Variants in TSPAN7 observed in about 807,000 individuals in gnomAD.
TSPAN7 encodes the protein tetraspanin-7.
Under a neutral mutation model 17.6 loss-of-function variants are expected in TSPAN7, and 1 was observed. That is an observed-to-expected ratio of 0.06 (90% CI 0.02 to 0.27). The LOEUF (loss-of-function observed/expected upper bound fraction) is 0.27. Among genes scored for constraint, TSPAN7 ranks in the 10% least tolerant of loss-of-function variants. The pLI is 1.00. For missense variants in TSPAN7, 112 were observed against 201.7 expected (o/e 0.56, Z 2.69); for synonymous variants, 78 against 79.0 (o/e 0.99, Z 0.07).
At chrX:38,584,594 G>A (rs2069247878) in intron 1 of TSPAN7, among the ~76,000 whole-genome samples, 1 of 112,295 alleles carries the variant, frequency 8.9e-6, no homozygotes, top group Non-Finnish European at 1.9e-5. Flanking sequence ...ACTTGCATAT[G>A]TATAAATGGT....
At chrX:38,628,126 G>A (rs11266219) in intron 1 of TSPAN7, among the ~76,000 whole-genome samples, 40,948 of 111,468 alleles carry the variant, frequency 0.37, 5,600 homozygotes, top group East Asian at 0.67. Flanking sequence ...CAGAAATAGG[G>A]GTCCATTGGC....
intron 1 of TSPAN7, among the ~76,000 whole-genome samples, chrX:38,649,933 C>T (rs981010156): frequency 5.4e-5 from 6 of 111,858 alleles, no homozygotes; most frequent in African/African-American, 1.3e-4. Flanking sequence ...TGATGGCTTC[C>T]GGGAGGTCAC....
chrX:38,618,935 C>T (rs187086845), intron 1 of TSPAN7, among the ~76,000 whole-genome samples: 170 of 111,107 alleles, frequency 1.5e-3, no homozygotes, highest in African/African-American at 5.2e-3. Context: ...TTCTTCTTGG[C>T]GGTGAAACTG....
At chrX:38,594,940 G>C (rs1168423671) in intron 1 of TSPAN7, among the ~76,000 whole-genome samples, 1 of 111,314 alleles carries the variant, frequency 9.0e-6, no homozygotes, top group Non-Finnish European at 1.9e-5. Flanking sequence ...TTTCATATCA[G>C]TTTATAGAGA....
chrX:38,598,408 C>T (rs952542214), intron 1 of TSPAN7, among the ~76,000 whole-genome samples: 1 of 111,553 alleles, frequency 9.0e-6, no homozygotes, highest in Non-Finnish European at 1.9e-5. Context: ...ACTCTCCCAC[C>T]TCTGTGCCTT....
chrX:38,571,719 G>A (rs1047913598), intron 1 of TSPAN7, among the ~76,000 whole-genome samples: 1 of 108,714 alleles, frequency 9.2e-6, no homozygotes, highest in Non-Finnish European at 1.9e-5. Flanking sequence ...TAATTGATAT[G>A]AAGAGAAACC....
intron 1 of TSPAN7, among the ~76,000 whole-genome samples, chrX:38,658,121 G>A (rs909653775): frequency 1.8e-5 from 2 of 110,902 alleles, no homozygotes; most frequent in Non-Finnish European, 3.8e-5. Flanking sequence ...AAAATAAAGA[G>A]TACCCTGTCT....
At chrX:38,623,809 G>A (rs889710218) in intron 1 of TSPAN7, among the ~76,000 whole-genome samples, 6 of 107,946 alleles carry the variant, frequency 5.6e-5, no homozygotes, top group Non-Finnish European at 1.2e-4. Context: ...AAAACAAAAC[G>A]AAAACCAGTT....
chrX:38,643,850 A>G (rs145623418), intron 1 of TSPAN7, among the ~76,000 whole-genome samples: 4,399 of 111,100 alleles, frequency 0.04, 223 homozygotes, highest in African/African-American at 0.14. Flanking sequence ...GTCTCAAAAA[A>G]TAAAATAAAA....
chrX:38,662,879 A>C (rs1164224224), intron 1 of TSPAN7, among the ~76,000 whole-genome samples: 1 of 109,958 alleles, frequency 9.1e-6, no homozygotes, highest in African/African-American at 3.3e-5. Flanking sequence ...ATTGAGAGGA[A>C]CATGAGTCCC....
intron 3 of TSPAN7, among the ~76,000 whole-genome samples, chrX:38,673,364 CTT>C (rs1173827469): frequency 2.1e-4 from 18 of 85,943 alleles, no homozygotes; most frequent in African/African-American, 6.4e-4. Context: ...GTTTTGTTAA[CTT>C]TTTTTTTTTT....
intron 1 of TSPAN7, among the ~76,000 whole-genome samples, chrX:38,660,620 A>C (rs1025652247): frequency 4.5e-5 from 5 of 112,335 alleles, no homozygotes; most frequent in African/African-American, 1.6e-4. Flanking sequence ...CTTTGTGTGT[A>C]GTTGCTATGA....
intron 1 of TSPAN7, 114 bp from the exon 2 acceptor site, chrX:38,666,007 C>T (rs2069779650): frequency 3.0e-6 from 2 of 668,553 alleles, no homozygotes; most frequent in East Asian, 7.0e-5. Context: ...GGGAATCCTA[C>T]AGCAAGTACC....
intron 1 of TSPAN7, among the ~76,000 whole-genome samples, chrX:38,659,590 C>G (rs2069728680): frequency 1.8e-5 from 2 of 110,259 alleles, no homozygotes; most frequent in Non-Finnish European, 1.9e-5. Context: ...TCACACAGCT[C>G]ATTAATGACA....
intron 1 of TSPAN7, among the ~76,000 whole-genome samples, chrX:38,623,591 C>T (rs1351009588): frequency 9.4e-6 from 1 of 106,229 alleles, no homozygotes; most frequent in African/African-American, 3.5e-5. Context: ...TGACTTTATA[C>T]ATTATTAGGT....
chrX:38,592,795 G>A (rs778377220), intron 1 of TSPAN7, among the ~76,000 whole-genome samples: 2 of 110,234 alleles, frequency 1.8e-5, no homozygotes, highest in African/African-American at 6.6e-5. Flanking sequence ...TGTTATTTTT[G>A]TGTAGTCAGT....
At chrX:38,594,299 A>G (rs1333993659) in intron 1 of TSPAN7, among the ~76,000 whole-genome samples, 1 of 111,077 alleles carries the variant, frequency 9.0e-6, no homozygotes, top group Non-Finnish European at 1.9e-5. Context: ...CACTCTCTTC[A>G]TTATGGTTAC....
In TSPAN7 at chrX:38,656,501, T is replaced by A. The variant is rs141082996; in HGVS notation, c.82-9620T>A. On this transcript the variant is annotated intron_variant, in intron 1 of 7. Transcript: ENST00000378482. The stretch of plus-strand genomic sequence containing the variant: ...ATGGCGCTAAGACTGTTAGTGCTCC[T>A]GGCACTCACACGGCCTTAGTGTGTA... Among the ~76,000 whole-genome samples, 327 of 111,675 alleles carry A rather than the reference T, an allele frequency of 2.9e-3. 2 individuals carry two copies. The highest frequency in any genetic ancestry group is 0.01 in the African/African-American group (316 of 30,717).
At chrX:38,613,774 C>A (rs2069435374) in intron 1 of TSPAN7, among the ~76,000 whole-genome samples, 1 of 110,813 alleles carries the variant, frequency 9.0e-6, no homozygotes, top group East Asian at 2.8e-4. Flanking sequence ...CTATGTTTTA[C>A]CCTCTTTAGG....
Sources: allele counts gnomAD v4.1 joint callset (sites outside exome capture counted in the v4.1 genomes callset), GRCh38; gene constraint gnomAD v4.1.1; transcripts MANE v1.5; gene names NCBI Gene and HGNC (gene_info 2026-07-23, HGNC 2026-07-21).